DPAGT1: variants seen among roughly 807,000 people sequenced by gnomAD.
DPAGT1 encodes the protein UDP-N-acetylglucosamine--dolichyl-phosphate N-acetylglucosaminephosphotransferase.
A neutral mutation model predicts 39.3 loss-of-function variants in DPAGT1; 25 were observed. The ratio of observed to expected loss-of-function variants is 0.64; its 90% CI spans 0.46 to 0.89. The LOEUF (loss-of-function observed/expected upper bound fraction) is 0.89. DPAGT1 is among the 40% of genes least tolerant of loss of function. The probability of loss-of-function intolerance (pLI) is 0.00; values close to 1 mark genes in which losing one functional copy is unlikely to be tolerated. For missense variants in DPAGT1, 381 were observed against 500.6 expected, an observed-to-expected ratio of 0.76 and a Z score of 2.28; for synonymous variants, 193 against 201.4, an observed-to-expected ratio of 0.96 and a Z score of 0.36.
rs767923458 is a variant in DPAGT1, at chr11:119,101,508, T to C, written c.148A>G (p.Ser50Gly). The C allele has an allele frequency of 6.2e-7, 1 of 1,614,096 alleles. No individual in the cohort carries two copies. The highest frequency in any genetic ancestry group is 1.1e-5 in the South Asian group (1 of 91,078). The change falls in exon 1 of 9, where the codon AGC becomes GGC. Residue 50 changes from serine (S) to glycine (G), a missense_variant. Ser to Gly is a moderately conservative substitution (Grantham distance 56). Transcript: ENST00000354202. The stretch of plus-strand genomic sequence containing the variant: ...GCCGCTGCTCACATCTGCTGTCGGC[T>C]GGTTTTGTTGAGGTCCTGACCACAG... Reference protein sequence around the residue: ...RLCGQDLNKTSRQQIPESQGV... With the variant: ...RLCGQDLNKTGRQQIPESQGV...
downstream of DPAGT1, chr11:119,093,996 A>G (rs780828355): frequency 6.5e-6 from 1 of 153,546 alleles, no homozygotes; most frequent in Non-Finnish European, 1.5e-5. Context: ...GGCTCAGTCC[A>G]GACAGGGATT....
rs1421753905 is a variant in DPAGT1 at position 119,096,544 on chromosome 11, G to C, written c.*454C>G. On this transcript the variant is annotated 3_prime_UTR_variant, in exon 9 of 9. Transcript: ENST00000354202. Reference sequence around the variant, plus strand: ...GACAACACTTTATTGTCTCCATTGAGAGCATGTGGCCCCCTGCTTAGTTCT... The same window carrying C: ...GACAACACTTTATTGTCTCCATTGACAGCATGTGGCCCCCTGCTTAGTTCT... 4.3e-6 allele frequency: 1 copy of C among 234,750 alleles called. No homozygotes were observed. The highest frequency in any genetic ancestry group is 8.5e-6 in the Non-Finnish European group (1 of 117,718). 14.5% of individuals were successfully genotyped at this position (234,750 alleles called of 1,614,324 possible).
downstream of DPAGT1, chr11:119,094,893 G>A (rs931337683): frequency 2.1e-6 from 3 of 1,429,738 alleles, no homozygotes; most frequent in Non-Finnish European, 2.8e-6. Context: ...CATGAGGGCG[G>A]TGGTGGCCCT....
In DPAGT1 at chr11:119,101,803, T is replaced by G; in HGVS notation, c.-148A>C. ...CTGAGCAAAACCCAGCAACTCTGACTTGAGCCGCCGTCGGGACACCGGGGA... is the reference window on the plus strand; with the variant it reads ...CTGAGCAAAACCCAGCAACTCTGACGTGAGCCGCCGTCGGGACACCGGGGA... On this transcript the variant is annotated 5_prime_UTR_variant, in exon 1 of 9. Coordinates refer to ENST00000354202, the MANE Select transcript of DPAGT1 (RefSeq NM_001382.4). The G allele has an allele frequency of 6.6e-7, 1 of 1,525,648 alleles. No individual in the cohort carries two copies. The highest frequency in any genetic ancestry group is 8.8e-7 in the Non-Finnish European group (1 of 1,137,428). The allele number at this position is 1,525,648 out of a possible 1,614,324, so 94.5% of individuals were successfully genotyped here.
chr11:119,100,598 G>C, intron 3 of DPAGT1, 32 bp downstream of exon 3: 1 of 1,612,908 alleles, frequency 6.2e-7, no homozygotes, highest in South Asian at 1.1e-5. Context: ...TGAAGTAGGT[G>C]CCATAGGGGC....
At chr11:119,094,862 C>G (rs1946363532), downstream of DPAGT1, 1 of 1,254,650 alleles carries the variant, frequency 8.0e-7, no homozygotes, top group Non-Finnish European at 1.1e-6. Flanking sequence ...GCCCCGCAGT[C>G]TGAAGCGGCT....
downstream of DPAGT1, chr11:119,095,557 G>A: frequency 1.3e-6 from 1 of 757,538 alleles, no homozygotes; most frequent in East Asian, 3.0e-5. Context: ...ACCCGCCTCC[G>A]GTTGGTTGCG....
At chr11:119,095,577 T>C (rs1946379997), downstream of DPAGT1, 4 of 625,450 alleles carry the variant, frequency 6.4e-6, no homozygotes, top group East Asian at 3.1e-5. Context: ...GGTTAACCCT[T>C]GGGTGTCGCG....
downstream of DPAGT1, chr11:119,095,511 A>G (rs1350579609): frequency 1.1e-5 from 12 of 1,124,066 alleles, no homozygotes; most frequent in Admixed American, 3.6e-4. Flanking sequence ...CCCAGGACAC[A>G]CCTCTGCGCC....
downstream of DPAGT1, chr11:119,094,891 C>T: frequency 1.4e-6 from 2 of 1,409,920 alleles, no homozygotes; most frequent in Admixed American, 2.7e-5. Flanking sequence ...TCCATGAGGG[C>T]GGTGGTGGCC....
intron 4 of DPAGT1, among the ~76,000 whole-genome samples, chr11:119,099,424 A>G (rs1369694422): frequency 6.0e-3 from 1 of 166 alleles, no homozygotes; most frequent in Non-Finnish European, 0.014. Context: ...TCCGTCTCAA[A>G]AAAAAAAAAA....
chr11:119,100,653 A>G lies in DPAGT1; in HGVS notation c.473T>C (p.Ile158Thr), dbSNP rs1946484487. The change falls in exon 3 of 9, where the codon ATA (isoleucine) becomes ACA (threonine). Residue 158 changes from isoleucine (I) to threonine (T), a missense_variant. Transcript: ENST00000354202. The part of the protein sequence containing the change: ...TIVVPKPFRP[I>T]LGLHLDLGIL... ...ACCCAAGTCCAGATGCAGGCCAAGT[A>G]TCGGGCGGAAGGGCTTGGGCACCAC... 5.6e-6 allele frequency: 9 copies of G among 1,614,138 alleles called. No homozygotes were observed. The highest frequency in any genetic ancestry group is 3.3e-4 in the Middle Eastern group (2 of 6,040).
intron 4 of DPAGT1, among the ~76,000 whole-genome samples, chr11:119,098,967 CTTG>C (rs546800041): frequency 4.7e-4 from 71 of 152,268 alleles, no homozygotes; most frequent in Non-Finnish European, 7.4e-4. Context: ...GGTTTAATGA[CTTG>C]TTGTAAAAAG....
downstream of DPAGT1, chr11:119,095,409 C>G (rs564208294): frequency 1.2e-4 from 180 of 1,524,190 alleles, no homozygotes; most frequent in Non-Finnish European, 7.0e-6. Flanking sequence ...GCGAGGTAGA[C>G]CGGTGAAGCA....
At chr11:119,094,451 C>G (rs1014365858), downstream of DPAGT1, 1 of 152,396 alleles carries the variant, frequency 6.6e-6, no homozygotes, top group Non-Finnish European at 1.5e-5. Context: ...TGCCGAGGGC[C>G]TCACTCACCT....
rs2134897273 is a variant in DPAGT1, at chr11:119,097,045, T to G, written c.1180A>C (p.Thr394Pro). The stretch of plus-strand genomic sequence containing the variant: ...ACGAGCTGATATCGAATGGAGAAGG[T>G]GATGGCACTGCCCAGGATCTGCAAG... Reference protein sequence around the residue: ...LLLQILGSAITFSIRYQLVRL... With the variant: ...LLLQILGSAIPFSIRYQLVRL... The change falls in exon 9 of 9, where the codon ACC (threonine) becomes CCC (proline). Residue 394 changes from threonine (T) to proline (P), a missense_variant. Thr to Pro is a conservative substitution (Grantham distance 38). Coordinates refer to ENST00000354202, the MANE Select transcript of DPAGT1 (RefSeq NM_001382.4). The surrounding 1 kb of genome is among the most constrained non-coding windows in gnomAD (Gnocchi z 4.6). The G allele has an allele frequency of 1.2e-6, 2 of 1,614,058 alleles. No homozygotes were observed. Among genetic ancestry groups the G allele is most frequent in the Non-Finnish European group, 1.7e-6 (2 of 1,180,010 alleles).
chr11:119,094,983 G>T, downstream of DPAGT1: 1 of 1,612,316 alleles, frequency 6.2e-7, no homozygotes, highest in Non-Finnish European at 8.5e-7. Context: ...TGGGAGGCCT[G>T]GGTGGCCTTC....
At chr11:119,094,823 G>A (rs1363865633), downstream of DPAGT1, 3 of 898,738 alleles carry the variant, frequency 3.3e-6, no homozygotes, top group Non-Finnish European at 3.2e-6. Flanking sequence ...GGCGAGGGGA[G>A]GGGAGGGGAA....
chr11:119,097,830 C>G lies in DPAGT1; in HGVS notation c.917+25G>C, dbSNP rs756534975. On this transcript the variant is annotated intron_variant, in intron 6 of 8. Coordinates refer to ENST00000354202, the MANE Select transcript of DPAGT1 (RefSeq NM_001382.4). This position sits in a 1 kb window ranked among gnomAD's most constrained non-coding sequence, Gnocchi z 4.6. ...ATCCCAAGTGAAAAGGCTATGATGT[C>G]CATTTCAAGCCAAAAAGCGGCTACC... 1.8e-5 allele frequency: 29 copies of G among 1,613,664 alleles called. No individual in the cohort carries two copies. The highest frequency in any genetic ancestry group is 2.4e-5 in the Non-Finnish European group (28 of 1,179,826).
Sources: allele counts gnomAD v4.1 joint callset (sites outside exome capture counted in the v4.1 genomes callset), GRCh38; gene constraint gnomAD v4.1.1; non-coding constraint Gnocchi (gnomAD v3.1); transcripts MANE v1.5; gene names NCBI Gene and HGNC (gene_info 2026-07-23, HGNC 2026-07-21).